The following EXOC4 variants were observed in gnomAD, a reference collection of about 807,000 sequenced individuals.
The protein encoded by EXOC4 is SEC8-like 1.
Under a neutral mutation model 107.2 loss-of-function variants are expected in EXOC4, and 71 were observed. The observed-to-expected ratio is 0.66, with a 90% CI of 0.55 to 0.81. EXOC4 has a LOEUF of 0.81. EXOC4 is among the 30% of genes least tolerant of loss of function. The pLI, the probability that EXOC4 is intolerant of heterozygous loss-of-function variation, is 0.00. For synonymous variants in EXOC4, 456 were observed against 441.2 expected (o/e 1.03, Z -0.42); for missense variants, 1,108 against 1,189.6 (o/e 0.93, Z 1.01).
chr7:133,308,520 G>C (rs1435239508), intron 4 of EXOC4, among the ~76,000 whole-genome samples: 1 of 152,150 alleles, frequency 6.6e-6, no homozygotes, highest in Non-Finnish European at 1.5e-5. Context: ...CAGACTTCCA[G>C]CCTGCAGAAC....
intron 17 of EXOC4, among the ~76,000 whole-genome samples, chr7:134,036,250 T>C (rs1795385737): frequency 1.3e-5 from 2 of 152,176 alleles, no homozygotes; most frequent in Non-Finnish European, 2.9e-5. Context: ...CCTTGAGATA[T>C]AGAAAGAGAG....
intron 10 of EXOC4, among the ~76,000 whole-genome samples, chr7:133,694,915 T>G (rs1408944484): frequency 1.3e-5 from 2 of 152,096 alleles, no homozygotes; most frequent in African/African-American, 4.8e-5. Flanking sequence ...CTCTGCCTCC[T>G]GGGTTCAAGC....
chr7:134,027,906 A>G (rs1290313980), intron 17 of EXOC4, among the ~76,000 whole-genome samples: 1 of 152,222 alleles, frequency 6.6e-6, no homozygotes, highest in Non-Finnish European at 1.5e-5. Flanking sequence ...GTAACTGGCC[A>G]CAAATGATCC....
intron 14 of EXOC4, among the ~76,000 whole-genome samples, chr7:133,968,185 A>G (rs1251636682): frequency 6.6e-6 from 1 of 151,180 alleles, no homozygotes; most frequent in Non-Finnish European, 1.5e-5. Flanking sequence ...TTTGCTTTCC[A>G]TTTGCTTGGT....
chr7:133,959,673 A>C (rs576656371), intron 14 of EXOC4, among the ~76,000 whole-genome samples: 3 of 152,194 alleles, frequency 2.0e-5, no homozygotes, highest in African/African-American at 7.2e-5. Flanking sequence ...CAGAACCCTC[A>C]AGTTAGAAAG....
In EXOC4 at chr7:133,392,431, T is replaced by C. The variant is rs530526070; in HGVS notation, c.1182+17429T>C. Among the ~76,000 whole-genome samples the C allele has an allele frequency of 2.6e-5, 4 of 152,274 alleles. No homozygotes were observed. The East Asian group carries it at 7.7e-4, about 29-fold the overall frequency. On this transcript the variant is annotated intron_variant, in intron 7 of 17. Transcript: ENST00000253861. ...GTTTGGGAGGCAGTGTTAGGGTCCT[T>C]TACCTAAGGTGAATACATGTAATAT...
At chr7:134,042,049 A>G (rs1795532641) in intron 17 of EXOC4, among the ~76,000 whole-genome samples, 1 of 151,158 alleles carries the variant, frequency 6.6e-6, no homozygotes. Context: ...GGGGAAGTCT[A>G]TCTAGTCCTC....
chr7:133,620,700 G>A (rs1802309158), intron 9 of EXOC4, among the ~76,000 whole-genome samples: 2 of 152,164 alleles, frequency 1.3e-5, no homozygotes, highest in Non-Finnish European at 2.9e-5. Flanking sequence ...AAAAAAGAAT[G>A]AAATGTAATT....
At position 133,937,962 on chromosome 7, in the gene EXOC4, T is replaced by C; in HGVS notation, c.2099T>C (p.Ile700Thr). ...GATAAATTAATCCCTCCACAAGACA[T>C]CCTTCGTGACGTCAGTGACCTCAAA... The part of the protein sequence containing the change: ...LGDKLIPPQD[I>T]LRDVSDLKAL... The change falls in exon 14 of 18, where the codon ATC (isoleucine) becomes ACC (threonine). Residue 700 changes from isoleucine (I) to threonine (T), a missense_variant. Transcript: ENST00000253861. The C allele has an allele frequency of 6.2e-7, 1 of 1,614,146 alleles. No individual in the cohort carries two copies. Among genetic ancestry groups the C allele is most frequent in the Non-Finnish European group, 8.5e-7 (1 of 1,180,028 alleles).
chr7:133,302,955 T>A (rs1474426734), intron 3 of EXOC4, among the ~76,000 whole-genome samples: 1 of 152,218 alleles, frequency 6.6e-6, no homozygotes, highest in African/African-American at 2.4e-5. Context: ...ATTATGCACA[T>A]TCCTAAATAC....
intron 7 of EXOC4, among the ~76,000 whole-genome samples, chr7:133,436,343 CA>C (rs1314844339): frequency 1.3e-5 from 2 of 152,116 alleles, no homozygotes; most frequent in African/African-American, 4.8e-5. Context: ...TATCATTACT[CA>C]TATAAATGAT....
At chr7:133,812,734 A>G (rs1384566248) in intron 10 of EXOC4, among the ~76,000 whole-genome samples, 2 of 152,006 alleles carry the variant, frequency 1.3e-5, no homozygotes, top group Non-Finnish European at 2.9e-5. Context: ...TCACATATTT[A>G]TTTTTTGTGA....
chr7:133,956,031 C>A (rs1411487816), intron 14 of EXOC4, among the ~76,000 whole-genome samples: 1 of 152,176 alleles, frequency 6.6e-6, no homozygotes, highest in African/African-American at 2.4e-5. Flanking sequence ...CCTGGGAGGG[C>A]AGGGCTCCTG....
At chr7:133,607,038 T>A (rs1359862180) in intron 9 of EXOC4, among the ~76,000 whole-genome samples, 1 of 152,202 alleles carries the variant, frequency 6.6e-6, no homozygotes, top group Non-Finnish European at 1.5e-5. Flanking sequence ...TATTTGCTAA[T>A]AGTAATTTAT....
At chr7:134,080,793 A>AT in the EXOC4 span, among the ~76,000 whole-genome samples, 310 of 151,962 alleles carry the variant, frequency 2.0e-3, no homozygotes, top group Middle Eastern at 0.01. Flanking sequence ...TATATATATA[A>AT]AAATTAGCCA....
intron 9 of EXOC4, among the ~76,000 whole-genome samples, chr7:133,596,061 T>A (rs766506500): frequency 6.6e-6 from 1 of 152,334 alleles, no homozygotes; most frequent in East Asian, 1.9e-4. Context: ...TATTCACATG[T>A]TTTCCGCTTC....
chr7:133,698,600 C>T (rs948847556), intron 10 of EXOC4, among the ~76,000 whole-genome samples: 7 of 151,092 alleles, frequency 4.6e-5, no homozygotes, highest in South Asian at 2.1e-4. Flanking sequence ...ATAGAAGATG[C>T]GATGCATATA....
chr7:134,095,287 G>A, the EXOC4 span, among the ~76,000 whole-genome samples: 1 of 151,942 alleles, frequency 6.6e-6, no homozygotes, highest in African/African-American at 2.4e-5. Context: ...TCTACAAGGA[G>A]AACTACAAAA....
chr7:133,556,111 T>C (rs1230307043), intron 9 of EXOC4, among the ~76,000 whole-genome samples: 1 of 152,192 alleles, frequency 6.6e-6, no homozygotes, highest in African/African-American at 2.4e-5. Flanking sequence ...ACAGATCACC[T>C]CTCCAGAGCC....
Sources: allele counts gnomAD v4.1 joint callset (sites outside exome capture counted in the v4.1 genomes callset), GRCh38; gene constraint gnomAD v4.1.1; transcripts MANE v1.5; gene names NCBI Gene and HGNC (gene_info 2026-07-23, HGNC 2026-07-21).